Variants in CSMD2 observed in about 807,000 individuals in gnomAD.
The protein encoded by CSMD2 is CUB and sushi domain-containing protein 2.
Under a neutral mutation model 398.5 loss-of-function variants are expected in CSMD2, and 130 were observed. That is an observed-to-expected ratio of 0.33 (90% CI 0.28 to 0.38). CSMD2 has a LOEUF of 0.38. Ranked by LOEUF, CSMD2 falls within the 10% of genes least tolerant of loss-of-function variation. The probability of loss-of-function intolerance (pLI) is 1.00; values close to 1 mark genes in which losing one functional copy is unlikely to be tolerated. For synonymous variants in CSMD2, 1,828 were observed against 1,908.5 expected (o/e 0.96, Z 1.10); for missense variants, 3,829 against 4,764.9 (o/e 0.80, Z 5.78).
At chr1:33,522,297 C>T (rs1654384812) in intron 67 of CSMD2, among the ~76,000 whole-genome samples, 1 of 152,214 alleles carries the variant, frequency 6.6e-6, no homozygotes, top group Admixed American at 6.5e-5. Flanking sequence ...TGTCTGGCGT[C>T]CTAGGCAGTA....
chr1:33,819,675 A>T, intron 9 of CSMD2, 38 bp downstream of exon 9: 1 of 1,602,702 alleles, frequency 6.2e-7, no homozygotes. Flanking sequence ...GCTCAGCCCA[A>T]CTCTCTGGCC....
At chr1:33,977,027 G>T (rs1049704774) in intron 3 of CSMD2, among the ~76,000 whole-genome samples, 1 of 151,946 alleles carries the variant, frequency 6.6e-6, no homozygotes, top group Non-Finnish European at 1.5e-5. Context: ...TGTTATTCAA[G>T]CAAAGAGGCA....
At position 33,521,545 on chromosome 1, in the gene CSMD2, C is replaced by T. The variant is rs756066303; in HGVS notation, c.10515G>A (p.Ser3505=). 25 of 1,606,744 alleles carry T rather than the reference C, an allele frequency of 1.6e-5. No individual in the cohort carries two copies. Among genetic ancestry groups the T allele is most frequent in the African/African-American group, 1.5e-4 (11 of 74,748 alleles). The stretch of plus-strand genomic sequence containing the variant: ...TGAAGGTGGCTCCGGAGGACTCTGA[C>T]GAGACCTGTGATGGTGGGGAGCACA... ...DDHWALDGHV[S]SESSGATFIY... is the part of the protein sequence containing the mutation. The change falls in exon 68 of 71, where the codon TCG becomes TCA. Residue 3505 remains serine, a synonymous_variant. Coordinates refer to ENST00000373381, the MANE Select transcript of CSMD2 (RefSeq NM_001281956.2).
intron 64 of CSMD2, among the ~76,000 whole-genome samples, chr1:33,527,810 T>C (rs1443120287): frequency 6.6e-6 from 1 of 152,056 alleles, no homozygotes; most frequent in East Asian, 1.9e-4. Flanking sequence ...ACAGACTCCC[T>C]GAATGTCCTC....
chr1:33,749,346 G>A (rs571809996), intron 13 of CSMD2, among the ~76,000 whole-genome samples: 3 of 151,914 alleles, frequency 2.0e-5, no homozygotes, highest in Non-Finnish European at 2.9e-5. Context: ...TGATCCACCC[G>A]CCTCGGCCTC....
At chr1:33,969,628 G>A (rs1005590484) in intron 3 of CSMD2, among the ~76,000 whole-genome samples, 5 of 152,206 alleles carry the variant, frequency 3.3e-5, no homozygotes, top group South Asian at 2.1e-4. Flanking sequence ...TGAGAGTTAA[G>A]TGACTTTCCT....
chr1:33,783,035 G>A (rs2149355091), intron 12 of CSMD2, among the ~76,000 whole-genome samples: 1 of 152,032 alleles, frequency 6.6e-6, no homozygotes, highest in East Asian at 1.9e-4. Flanking sequence ...ATGAGGGAGG[G>A]ACTCAGCTCA....
chr1:33,934,029 G>A (rs1024642848), intron 4 of CSMD2, among the ~76,000 whole-genome samples: 1 of 152,140 alleles, frequency 6.6e-6, no homozygotes, highest in African/African-American at 2.4e-5. Flanking sequence ...TGGGAAGAAG[G>A]GGAATAGGTA....
In CSMD2 at chr1:33,625,259, G is replaced by A. The variant is rs749677075; in HGVS notation, c.5297-5C>T. 2.9e-5 allele frequency: 46 copies of A among 1,607,370 alleles called. No individual in the cohort carries two copies. Among genetic ancestry groups the A allele is most frequent in the African/African-American group, 2.3e-4 (17 of 74,762 alleles). ...TGGCGCTGGTTCGAGGAACCGCTGT[G>A]GGGGACAAGGGCACTGAGGGGAGGC... On this transcript the variant is annotated splice_polypyrimidine_tract_variant and splice_region_variant and intron_variant, in intron 33 of 70. Coordinates refer to ENST00000373381, the MANE Select transcript of CSMD2 (RefSeq NM_001281956.2).
At chr1:34,141,510 T>C (rs779669783) in intron 1 of CSMD2, among the ~76,000 whole-genome samples, 4 of 152,118 alleles carry the variant, frequency 2.6e-5, no homozygotes, top group Non-Finnish European at 5.9e-5. Context: ...CAAGAATTTA[T>C]TGAAGTGATG....
At chr1:34,015,435 C>T (rs1487826057) in intron 3 of CSMD2, among the ~76,000 whole-genome samples, 1 of 152,222 alleles carries the variant, frequency 6.6e-6, no homozygotes, top group Non-Finnish European at 1.5e-5. Flanking sequence ...TTTCTCTTCC[C>T]TGCCTCCAGA....
chr1:33,573,472 T>C (rs1416000307), intron 49 of CSMD2, among the ~76,000 whole-genome samples: 1 of 148,554 alleles, frequency 6.7e-6, no homozygotes, highest in Non-Finnish European at 1.5e-5. Context: ...CAAGGTGACA[T>C]ACGGTACTCA....
chr1:33,870,494 G>T (rs1349796803), intron 5 of CSMD2: 1 of 152,182 alleles, frequency 6.6e-6, no homozygotes, highest in Non-Finnish European at 1.5e-5. Context: ...CATCCCTTGA[G>T]GTAGTTGCAT....
Position 33,724,314 on chromosome 1 carries a change from C to A in CSMD2, c.2885-1G>T. The A allele has an allele frequency of 6.2e-7, 1 of 1,611,222 alleles. No individual in the cohort carries two copies. The highest frequency in any genetic ancestry group is 8.5e-7 in the Non-Finnish European group (1 of 1,177,546). ...CCTTGAATGAAGCCACCACAGAGAG[C>A]TACAGAAGGAGTGAAGAGGGCAGTG... is the stretch of plus-strand genomic sequence containing the variant. On this transcript the variant is annotated splice_acceptor_variant, in intron 18 of 70. Transcript: ENST00000373381. LOFTEE classifies it high-confidence loss of function.
chr1:33,839,467 A>C (rs1660628032), intron 6 of CSMD2: 1 of 159,120 alleles, frequency 6.3e-6, no homozygotes, highest in Admixed American at 6.5e-5. Context: ...CAGTTTCATG[A>C]CTTAGGAAAA....
intron 4 of CSMD2, among the ~76,000 whole-genome samples, chr1:33,925,722 C>T (rs1284822944): frequency 6.6e-6 from 1 of 152,054 alleles, no homozygotes; most frequent in Non-Finnish European, 1.5e-5. Flanking sequence ...CATCAATAAC[C>T]CCCATTGTCA....
intron 12 of CSMD2, among the ~76,000 whole-genome samples, chr1:33,778,280 C>T (rs1048083923): frequency 6.6e-6 from 1 of 152,116 alleles, no homozygotes. Flanking sequence ...ACTGCAGCCT[C>T]GAACTCCTGG....
At chr1:33,815,038 T>C (rs1657298295) in intron 9 of CSMD2, among the ~76,000 whole-genome samples, 1 of 151,940 alleles carries the variant, frequency 6.6e-6, no homozygotes, top group Non-Finnish European at 1.5e-5. Flanking sequence ...ACCTTTTCCA[T>C]CTCTAATCCT....
chr1:33,895,686 G>A (rs1642338444), intron 5 of CSMD2, among the ~76,000 whole-genome samples: 1 of 152,170 alleles, frequency 6.6e-6, no homozygotes, highest in Admixed American at 6.5e-5. Context: ...AAAGGTGGCA[G>A]GCTACACTGG....
Sources: gnomAD v4.1 joint callset for allele counts (sites outside exome capture counted in the v4.1 genomes callset) on GRCh38, gnomAD v4.1.1 for gene constraint, MANE v1.5 for transcripts, NCBI Gene and HGNC (gene_info 2026-07-23, HGNC 2026-07-21) for gene names.